Variants in VWDE observed in about 807,000 individuals in gnomAD.
VWDE encodes von Willebrand factor D and EGF domain-containing protein.
In VWDE, 207 loss-of-function variants were observed where a neutral mutation model predicts 178.4. The ratio of observed to expected loss-of-function variants is 1.16; its 90% CI spans 1.04 to 1.30. VWDE has a LOEUF of 1.30. Ranked by LOEUF, VWDE falls within the 50% of genes most tolerant of loss-of-function variation. VWDE has a pLI of 0.00. For missense variants in VWDE, 2,287 were observed against 1,901.3 expected (o/e 1.20, Z -3.77); for synonymous variants, 738 against 651.4 (o/e 1.13, Z -2.02).
At chr7:12,389,062 A>C in intron 3 of VWDE, 65 bp downstream of exon 3, 1 of 1,107,334 alleles carries the variant, frequency 9.0e-7, no homozygotes, top group Non-Finnish European at 1.3e-6. Flanking sequence ...CAACCTATCC[A>C]GAGAATGGTA....
chr7:12,337,632 G>C (rs991981344), intron 24 of VWDE, among the ~76,000 whole-genome samples: 2 of 152,116 alleles, frequency 1.3e-5, no homozygotes, highest in Admixed American at 6.5e-5. Context: ...GAATGTGCCT[G>C]TTCTTGTGGA....
rs139371087 is a variant in VWDE at position 12,385,442 on chromosome 7, G to A, written c.476-1841C>T. Reference sequence around the variant, plus strand: ...TTCCAAATAAGCTCCTTAAAAGGGAGTAAATTTCAGTTAGCAGAAGCTCTC... The same window carrying A: ...TTCCAAATAAGCTCCTTAAAAGGGAATAAATTTCAGTTAGCAGAAGCTCTC... On this transcript the variant is annotated intron_variant, in intron 3 of 28. Transcript: ENST00000275358. Among the ~76,000 whole-genome samples, 957 of 152,288 alleles carry A rather than the reference G, an allele frequency of 6.3e-3. 6 individuals carry two copies. Among genetic ancestry groups the A allele is most frequent in the Non-Finnish European group, 0.011 (738 of 68,006 alleles).
Position 12,336,128 on chromosome 7 carries a change from C to T in VWDE, c.4654+13G>A. On this transcript the variant is annotated intron_variant, in intron 27 of 28. Transcript: ENST00000275358. ...TCAGAACATATAGTAGGAAAAACAT[C>T]CTGTGGGCTTACGTATTTGACACCG... 5.8e-6 allele frequency: 9 copies of T among 1,547,202 alleles called. No homozygotes were observed. The highest frequency in any genetic ancestry group is 7.9e-6 in the Non-Finnish European group (9 of 1,144,284).
chr7:12,384,451 C>T (rs970605246), intron 3 of VWDE, among the ~76,000 whole-genome samples: 19 of 151,938 alleles, frequency 1.3e-4, no homozygotes, highest in African/African-American at 4.1e-4. Flanking sequence ...TTGTCCAAAC[C>T]CATAGAATTT....
intron 22 of VWDE, among the ~76,000 whole-genome samples, chr7:12,342,444 T>C (rs564569917): frequency 1.3e-5 from 2 of 152,172 alleles, no homozygotes; most frequent in Admixed American, 6.5e-5. Flanking sequence ...AAAGCAATCA[T>C]AGACATAAAT....
intron 17 of VWDE, 139 bp from the exon 18 acceptor site, chr7:12,356,469 C>T (rs1277275452): frequency 7.7e-6 from 5 of 650,926 alleles, no homozygotes; most frequent in African/African-American, 7.3e-5. Flanking sequence ...TACACACACA[C>T]ACAAATGTAA....
rs1783416159 is a variant in VWDE at position 12,374,726 on chromosome 7, T to C, written c.1279A>G (p.Thr427Ala). Residue 427 changes from threonine to alanine, a missense_variant, in exon 9 of 29, where the codon ACA (threonine) becomes GCA (alanine). Physicochemically the swap from Thr to Ala is moderately conservative, Grantham distance 58 (BLOSUM62 0). Coordinates refer to ENST00000275358, the MANE Select transcript of VWDE (RefSeq NM_001135924.3). Reference protein sequence around the residue: ...VKDVPTAYCYTFTDPHIITFD... With the variant: ...VKDVPTAYCYAFTDPHIITFD... ...GTAATTATATGTGGGTCAGTAAATG[T>C]ATAGCAGTAAGCAGTTGGGACATCC... 2 of 1,541,376 alleles carry C rather than the reference T, an allele frequency of 1.3e-6. No individual in the cohort carries two copies. Among genetic ancestry groups the C allele is most frequent in the South Asian group, 1.2e-5 (1 of 81,056 alleles).
chr7:12,337,222 C>T lies in VWDE; in HGVS notation c.4417G>A (p.Val1473Met). ...GTGTATCCTTCACGACAGACGCACACATTATTTCTCATGCAGTGGCCACCA... is the reference window on the plus strand; with the variant it reads ...GTGTATCCTTCACGACAGACGCACATATTATTTCTCATGCAGTGGCCACCA... Reference protein sequence around the residue: ...KNGGHCMRNNVCVCREGYTGR... With the variant: ...KNGGHCMRNNMCVCREGYTGR... Residue 1473 changes from valine to methionine, a missense_variant, in exon 25 of 29, where the codon GTG becomes ATG. By Grantham distance (21) the Val-to-Met change is conservative (BLOSUM62 1). Coordinates refer to ENST00000275358, the MANE Select transcript of VWDE (RefSeq NM_001135924.3). 2 of 1,551,986 alleles carry T rather than the reference C, an allele frequency of 1.3e-6. No individual in the cohort carries two copies. The highest frequency in any genetic ancestry group is 1.2e-5 in the South Asian group (1 of 84,066).
At chr7:12,373,707 C>A (rs575058219) in intron 9 of VWDE, among the ~76,000 whole-genome samples, 2 of 152,206 alleles carry the variant, frequency 1.3e-5, no homozygotes, top group South Asian at 4.2e-4. Flanking sequence ...CAAAAGCCAG[C>A]TCCATGAGGG....
In VWDE at chr7:12,383,519, C is replaced by T; in HGVS notation, c.541+17G>A. 6 of 1,547,894 alleles carry T rather than the reference C, an allele frequency of 3.9e-6. No individual in the cohort carries two copies. The highest frequency in any genetic ancestry group is 5.2e-6 in the Non-Finnish European group (6 of 1,144,288). ...GTTTATAAAAACACTATTAAAAAAG[C>T]AAAATATGATACTTACGAACACAAT... is the stretch of plus-strand genomic sequence containing the variant. On this transcript the variant is annotated intron_variant, in intron 4 of 28. Coordinates refer to ENST00000275358, the MANE Select transcript of VWDE (RefSeq NM_001135924.3).
At chr7:12,332,516 T>C (rs1272486688) in intron 28 of VWDE, among the ~76,000 whole-genome samples, 1 of 152,156 alleles carries the variant, frequency 6.6e-6, no homozygotes, top group Non-Finnish European at 1.5e-5. Flanking sequence ...TTAGAGGTCA[T>C]AGGGTTTTCT....
intron 6 of VWDE, 79 bp downstream of exon 6, chr7:12,379,398 A>T: frequency 1.0e-6 from 1 of 978,068 alleles, no homozygotes; most frequent in Admixed American, 3.1e-5. Context: ...AGGTACAGAA[A>T]CCAGCATGGA....
chr7:12,370,911 T>C (rs1444929233), intron 10 of VWDE, 47 bp from the exon 11 acceptor site: 1 of 1,371,538 alleles, frequency 7.3e-7, no homozygotes, highest in Non-Finnish European at 9.7e-7. Flanking sequence ...TGAAGCAATA[T>C]TCAACCTGGA....
chr7:12,386,377 A>G (rs887338334), intron 3 of VWDE, among the ~76,000 whole-genome samples: 2 of 152,210 alleles, frequency 1.3e-5, no homozygotes, highest in African/African-American at 4.8e-5. Flanking sequence ...TTAGCTGGAC[A>G]GCAGCTGTGT....
intron 19 of VWDE, among the ~76,000 whole-genome samples, chr7:12,348,294 C>A (rs918322330): frequency 1.1e-4 from 16 of 148,858 alleles, no homozygotes; most frequent in African/African-American, 3.8e-4. Context: ...AGGCAACCTA[C>A]AAAATGGGAG....
At chr7:12,389,038 G>T in intron 3 of VWDE, 89 bp downstream of exon 3, 1 of 924,618 alleles carries the variant, frequency 1.1e-6, no homozygotes, top group Non-Finnish European at 1.7e-6. Flanking sequence ...ACTGAGATTT[G>T]CACTAACTCA....
Position 12,403,662 on chromosome 7 carries a change from C to T in VWDE, c.55G>A (p.Glu19Lys), listed in dbSNP as rs917288176. ...CCGCGCGCCCTACCTCGCTTACCTTCCCCCCAGGCCAGGAACATCAGCGCG... is the reference window on the plus strand; with the variant it reads ...CCGCGCGCCCTACCTCGCTTACCTTTCCCCCAGGCCAGGAACATCAGCGCG... ...VIALMFLAWG[E>K]AQECSPGGHQ... Residue 19 changes from glutamate to lysine, a missense_variant, in exon 1 of 29, where the codon GAA becomes AAA. Transcript: ENST00000275358. 1.9e-6 allele frequency: 3 copies of T among 1,543,078 alleles called. No individual in the cohort carries two copies. The highest frequency in any genetic ancestry group is 1.2e-5 in the South Asian group (1 of 83,832).
intron 2 of VWDE, among the ~76,000 whole-genome samples, chr7:12,391,642 C>T (rs1027824787): frequency 1.3e-5 from 2 of 152,020 alleles, no homozygotes; most frequent in African/African-American, 4.8e-5. Flanking sequence ...GTCACAAAAG[C>T]GACTAATGAG....
At chr7:12,338,967 T>G (rs1398040498) in intron 24 of VWDE, among the ~76,000 whole-genome samples, 1 of 152,160 alleles carries the variant, frequency 6.6e-6, no homozygotes, top group Non-Finnish European at 1.5e-5. Context: ...TTTCAATGTG[T>G]GTGCCATCTT....
Sources: gnomAD v4.1 joint callset for allele counts (sites outside exome capture counted in the v4.1 genomes callset) on GRCh38, gnomAD v4.1.1 for gene constraint, MANE v1.5 for transcripts, NCBI Gene and HGNC (gene_info 2026-07-23, HGNC 2026-07-21) for gene names.